Variants in TMEM238 observed in about 807,000 individuals in gnomAD.
The protein encoded by TMEM238 is transmembrane protein 238.
For missense variants in TMEM238, 169 were observed against 206.8 expected (o/e 0.82, Z 1.12); for synonymous variants, 103 against 111.5 (o/e 0.92, Z 0.48).
At chr19:55,379,727 A>T (rs946963961) in intron 1 of TMEM238, among the ~76,000 whole-genome samples, 1 of 152,138 alleles carries the variant, frequency 6.6e-6, no homozygotes, top group Non-Finnish European at 1.5e-5. Flanking sequence ...ACAGGCAGAC[A>T]CAGTGAAGAC....
intron 1 of TMEM238, among the ~76,000 whole-genome samples, chr19:55,380,956 T>C (rs1299780647): frequency 6.6e-6 from 1 of 152,224 alleles, no homozygotes; most frequent in Non-Finnish European, 1.5e-5. Flanking sequence ...TTGCATTCTA[T>C]GCCAAGCTTC....
intron 1 of TMEM238, among the ~76,000 whole-genome samples, chr19:55,382,070 C>G (rs2089888948): frequency 6.6e-6 from 1 of 151,422 alleles, no homozygotes; most frequent in Non-Finnish European, 1.5e-5. Flanking sequence ...CATCCATCTA[C>G]CCATCCACCT....
rs1253329243 is a variant in TMEM238 at position 55,384,139 on chromosome 19, CCAG to C, written c.118_120del (p.Leu40del). The C allele has an allele frequency of 7.0e-7, 1 of 1,428,826 alleles. No individual in the cohort carries two copies. Among genetic ancestry groups the C allele is most frequent in the Non-Finnish European group, 9.2e-7 (1 of 1,082,960 alleles). 88.5% of individuals were successfully genotyped at this position (1,428,826 alleles called of 1,614,324 possible). A position where few individuals can be genotyped will look rare whatever the true frequency, so the allele number is the denominator to read the frequency against. On this transcript the variant is annotated inframe_deletion, in exon 1 of 2. Coordinates refer to ENST00000444469, the MANE Select transcript of TMEM238 (RefSeq NM_001190764.2). The surrounding 1 kb of genome is among the most constrained non-coding windows in gnomAD (Gnocchi z 5.6). ...ATGCCCGCCACATCCAGCGCCACGG[CCAG>C]CAGCAGCGCCATCCGGCAGCGGCCC... is the stretch of plus-strand genomic sequence containing the variant.
Position 55,383,993 on chromosome 19 carries a change from C to T in TMEM238, c.267G>A (p.Trp89Ter). 1.4e-6 allele frequency: 2 copies of T among 1,444,902 alleles called. No individual in the cohort carries two copies. Among genetic ancestry groups the T allele is most frequent in the Non-Finnish European group, 1.8e-6 (2 of 1,092,744 alleles). The allele number at this position is 1,444,902 out of a possible 1,614,324, so 89.5% of individuals were successfully genotyped here. Residue 89 changes from tryptophan (W) to a stop codon, truncating the protein, a stop_gained, in exon 1 of 2, where the codon TGG becomes TGA. Transcript: ENST00000444469. LOFTEE classifies it low-confidence loss of function (END_TRUNC). This position sits in a 1 kb window ranked among gnomAD's most constrained non-coding sequence, Gnocchi z 4.9. Reference sequence around the variant, plus strand: ...GCGAGATCTCGATGTTGCCGGTGTACCAGAGGATCCAGCCCAGCAGGCTCA... The same window carrying T: ...GCGAGATCTCGATGTTGCCGGTGTATCAGAGGATCCAGCCCAGCAGGCTCA... ...VFLSLLGWIL[W>*]YTGNIEISRQ...
rs1170651130 is a variant in TMEM238, at chr19:55,384,230, C to A, written c.30G>T (p.Ser10=). ...ACGGTGCACCCGGCGGGCTCCCCTG[C>A]GAGGCGCACACCGCTGGCGCCGCCG... MAAAPAVCA[S]QGSPPGAPSA... The change falls in exon 1 of 2, where the codon TCG becomes TCT. Residue 10 remains serine, a synonymous_variant. Coordinates refer to ENST00000444469, the MANE Select transcript of TMEM238 (RefSeq NM_001190764.2). The surrounding 1 kb of genome is among the most constrained non-coding windows in gnomAD (Gnocchi z 5.6). The A allele has an allele frequency of 1.1e-5, 13 of 1,131,614 alleles. No homozygotes were observed. The highest frequency in any genetic ancestry group is 5.0e-5 in the African/African-American group (3 of 60,082). The allele number at this position is 1,131,614 out of a possible 1,614,324, so 70.1% of individuals were successfully genotyped here.
At chr19:55,382,134 TCCATCCACGCACCCATCGATCTAC>T (rs1227722608) in intron 1 of TMEM238, among the ~76,000 whole-genome samples, 3 of 150,232 alleles carry the variant, frequency 2.0e-5, no homozygotes, top group African/African-American at 7.3e-5. Flanking sequence ...AAACAACTCA[TCCATCCACGCACCCATCGATCTAC>T]CCATCCACCC....
intron 1 of TMEM238, among the ~76,000 whole-genome samples, chr19:55,380,483 G>C (rs2089882185): frequency 6.9e-6 from 1 of 145,508 alleles, no homozygotes; most frequent in Non-Finnish European, 1.5e-5. Flanking sequence ...GGAGTGCAGT[G>C]GCACGATCTT....
At chr19:55,381,446 TAA>T (rs1185417337) in intron 1 of TMEM238, among the ~76,000 whole-genome samples, 1 of 145,690 alleles carries the variant, frequency 6.9e-6, no homozygotes, top group Non-Finnish European at 1.5e-5. Context: ...AAAAAAAAGT[TAA>T]TTATTTACCT....
rs565646729 is a variant in TMEM238 at position 55,383,305 on chromosome 19, G to A, written c.*7+417C>T. Among the ~76,000 whole-genome samples the A allele has an allele frequency of 1.3e-5, 2 of 152,324 alleles. No individual in the cohort carries two copies. The highest frequency in any genetic ancestry group is 4.8e-5 in the African/African-American group (2 of 41,570). ...GTGGGAGGACTGCTTGAGCCTAGGA[G>A]GTCGAGGCTGCTGTGAGCTGAGATC... is the stretch of plus-strand genomic sequence containing the variant. On this transcript the variant is annotated intron_variant, in intron 1 of 1. Coordinates refer to ENST00000444469, the MANE Select transcript of TMEM238 (RefSeq NM_001190764.2). The surrounding 1 kb of genome is among the most constrained non-coding windows in gnomAD (Gnocchi z 4.9).
At chr19:55,379,517 A>C (rs1330481959) in intron 1 of TMEM238, 150 bp from the exon 2 acceptor site, 2 of 152,418 alleles carry the variant, frequency 1.3e-5, no homozygotes, top group South Asian at 4.1e-4. Flanking sequence ...TCATCCCTGC[A>C]TGCCCCCATT....
In TMEM238 at chr19:55,381,468, G is replaced by A. The variant is rs373150722; in HGVS notation, c.*8-2101C>T. 1.2e-4 allele frequency among the ~76,000 whole-genome samples: 17 copies of A among 145,750 alleles called. 1 individual carries two copies. Among genetic ancestry groups the A allele is most frequent in the African/African-American group, 3.5e-4 (14 of 39,458 alleles). ...AGTTAATTATTTACCTACATAGAAC[G>A]TCCTAGGATAATAGGGTTTAATTCT... is the stretch of plus-strand genomic sequence containing the variant. On this transcript the variant is annotated intron_variant, in intron 1 of 1. Transcript: ENST00000444469.
chr19:55,384,132 G>A lies in TMEM238; in HGVS notation c.128C>T (p.Ala43Val), dbSNP rs1182513940. The change falls in exon 1 of 2, where the codon GCG (alanine) becomes GTG (valine). Residue 43 changes from alanine (A) to valine (V), a missense_variant. Physicochemically the swap from Ala to Val is moderately conservative, Grantham distance 64 (BLOSUM62 0). Transcript: ENST00000444469. The surrounding 1 kb of genome is among the most constrained non-coding windows in gnomAD (Gnocchi z 5.6). ...RCRMALLLAV[A>V]LDVAGMAALL... ...CGCCGCCATGCCCGCCACATCCAGC[G>A]CCACGGCCAGCAGCAGCGCCATCCG... 4.2e-6 allele frequency: 6 copies of A among 1,436,034 alleles called. No individual in the cohort carries two copies. The highest frequency in any genetic ancestry group is 3.0e-5 in the African/African-American group (2 of 67,464). The allele number at this position is 1,436,034 out of a possible 1,614,324, so 89.0% of individuals were successfully genotyped here. A position where few individuals can be genotyped will look rare whatever the true frequency, so the allele number is the denominator to read the frequency against.
intron 1 of TMEM238, among the ~76,000 whole-genome samples, chr19:55,380,170 C>T (rs1037536630): frequency 2.6e-5 from 4 of 151,774 alleles, no homozygotes; most frequent in Admixed American, 6.6e-5. Flanking sequence ...GTGGGGCCTA[C>T]GTTCGAGTCA....
chr19:55,381,418 C>CAAAAA (rs56902543), intron 1 of TMEM238, among the ~76,000 whole-genome samples: 1 of 53,502 alleles, frequency 1.9e-5, no homozygotes, highest in East Asian at 7.3e-4. Context: ...AACTCCATCT[C>CAAAAA]AAAAAAAAAA....
chr19:55,381,176 T>A (rs1490932182), intron 1 of TMEM238, among the ~76,000 whole-genome samples: 2 of 151,902 alleles, frequency 1.3e-5, no homozygotes, highest in Non-Finnish European at 2.9e-5. Context: ...CCCAGCACTT[T>A]GGGTGGCCGA....
In TMEM238 at chr19:55,383,936, C is replaced by A. The variant is rs1288040608; in HGVS notation, c.324G>T (p.Arg108=). The A allele has an allele frequency of 1.5e-6, 2 of 1,326,114 alleles. No individual in the cohort carries two copies. The highest frequency in any genetic ancestry group is 6.9e-5 in the East Asian group (2 of 29,106). 82.1% of individuals were successfully genotyped at this position (1,326,114 alleles called of 1,614,324 possible). ...GCGCCAGGCGGGCGAGCGCCGAGGG[C>A]CGCAGGCCGTAGTCGCGCTCCAGCT... The part of the protein sequence containing the change: ...RQELERDYGL[R]PSALARLARK... The change falls in exon 1 of 2, where the codon CGG becomes CGT. Residue 108 remains arginine (R), a synonymous_variant. Coordinates refer to ENST00000444469, the MANE Select transcript of TMEM238 (RefSeq NM_001190764.2). This position sits in a 1 kb window ranked among gnomAD's most constrained non-coding sequence, Gnocchi z 4.9.
chr19:55,380,936 G>A (rs527792941), intron 1 of TMEM238, among the ~76,000 whole-genome samples: 6 of 152,166 alleles, frequency 3.9e-5, no homozygotes, highest in African/African-American at 1.2e-4. Context: ...GTAACTACAG[G>A]TGCTTATGTT....
intron 1 of TMEM238, among the ~76,000 whole-genome samples, chr19:55,380,902 C>T (rs976032033): frequency 6.6e-6 from 1 of 152,076 alleles, no homozygotes; most frequent in Non-Finnish European, 1.5e-5. Context: ...CCACTGTGCT[C>T]AGCCAGGATT....
chr19:55,384,119 C>T lies in TMEM238; in HGVS notation c.141G>A (p.Ala47=), dbSNP rs1266274881. 5.5e-6 allele frequency: 8 copies of T among 1,447,812 alleles called. No individual in the cohort carries two copies. The highest frequency in any genetic ancestry group is 6.4e-6 in the Non-Finnish European group (7 of 1,094,506). The allele number at this position is 1,447,812 out of a possible 1,614,324, so 89.7% of individuals were successfully genotyped here. The change falls in exon 1 of 2, where the codon GCG becomes GCA. Residue 47 remains alanine (A), a synonymous_variant. Coordinates refer to ENST00000444469, the MANE Select transcript of TMEM238 (RefSeq NM_001190764.2). The surrounding 1 kb of genome is among the most constrained non-coding windows in gnomAD (Gnocchi z 5.6). Reference sequence around the variant, plus strand: ...CGCCGGTCAGCAGCGCCGCCATGCCCGCCACATCCAGCGCCACGGCCAGCA... The same window carrying T: ...CGCCGGTCAGCAGCGCCGCCATGCCTGCCACATCCAGCGCCACGGCCAGCA... ...ALLLAVALDV[A]GMAALLTGVF...
Sources: gnomAD v4.1 joint callset for allele counts (sites outside exome capture counted in the v4.1 genomes callset) on GRCh38, gnomAD v4.1.1 for gene constraint, Gnocchi (gnomAD v3.1) non-coding constraint, MANE v1.5 for transcripts, NCBI Gene and HGNC (gene_info 2026-07-23, HGNC 2026-07-21) for gene names.